Variants in CCDC134 observed in about 807,000 individuals in gnomAD.
CCDC134 encodes the protein coiled-coil domain-containing protein 134.
A neutral mutation model predicts 25.6 loss-of-function variants in CCDC134; 27 were observed. The observed-to-expected ratio is 1.05, with a 90% CI of 0.78 to 1.45. CCDC134 has a LOEUF of 1.45. Ranked by LOEUF, CCDC134 falls within the 40% of genes most tolerant of loss-of-function variation. The pLI, the probability that CCDC134 is intolerant of heterozygous loss-of-function variation, is 0.00. For synonymous variants in CCDC134, 110 were observed against 115.0 expected, an observed-to-expected ratio of 0.96 and a Z score of 0.28; for missense variants, 261 against 286.7, an observed-to-expected ratio of 0.91 and a Z score of 0.65.
At position 41,827,837 on chromosome 22, in the gene CCDC134, C is replaced by A. The variant is rs908581616; in HGVS notation, c.*2014C>A. 6.6e-6 allele frequency among the ~76,000 whole-genome samples: 1 copy of A among 152,204 alleles called. No homozygotes were observed. The highest frequency in any genetic ancestry group is 1.5e-5 in the Non-Finnish European group (1 of 68,038). Reference sequence around the variant, plus strand: ...CAGCAGCTGGAGCTGGGTGTCAGGACCAGCCCGCAAGCTCTTCCCTGCCGG... The same window carrying A: ...CAGCAGCTGGAGCTGGGTGTCAGGAACAGCCCGCAAGCTCTTCCCTGCCGG... On this transcript the variant is annotated 3_prime_UTR_variant, in exon 7 of 7. Transcript: ENST00000255784.
intron 6 of CCDC134, among the ~76,000 whole-genome samples, chr22:41,814,509 G>A (rs1429386818): frequency 6.6e-6 from 1 of 152,054 alleles, no homozygotes; most frequent in Non-Finnish European, 1.5e-5. Context: ...GGAGGTTGCA[G>A]TGAGCTGAGA....
At chr22:41,819,315 A>G (rs1419460214) in intron 6 of CCDC134, among the ~76,000 whole-genome samples, 3 of 152,200 alleles carry the variant, frequency 2.0e-5, no homozygotes, top group Non-Finnish European at 4.4e-5. Context: ...GGAAGGCAGC[A>G]GGGAAATAGT....
At chr22:41,808,787 C>T (rs1038736292) in intron 1 of CCDC134, 88 bp from the exon 2 acceptor site, 7 of 1,036,486 alleles carry the variant, frequency 6.8e-6, no homozygotes, top group East Asian at 4.9e-5. Context: ...TGCACTATGT[C>T]GGGGGAAGCT....
rs1602239761 is a variant in CCDC134, at chr22:41,813,687, A to G, written c.493-64A>G. 21 of 1,525,144 alleles carry G rather than the reference A, an allele frequency of 1.4e-5. No individual in the cohort carries two copies. In the East Asian group the frequency reaches 4.7e-4, roughly 34 times the overall value. 94.5% of individuals were successfully genotyped at this position (1,525,144 alleles called of 1,614,324 possible). A position where few individuals can be genotyped will look rare whatever the true frequency, so the allele number is the denominator to read the frequency against. On this transcript the variant is annotated intron_variant, in intron 5 of 6. Coordinates refer to ENST00000255784, the MANE Select transcript of CCDC134 (RefSeq NM_024821.5). ...GAGTCTGGGTCCCAGCATGGAAGGAATGACTCTCTGGTGAGCAGGACTCAG... is the reference window on the plus strand; with the variant it reads ...GAGTCTGGGTCCCAGCATGGAAGGAGTGACTCTCTGGTGAGCAGGACTCAG...
In CCDC134 at chr22:41,815,571, A is replaced by C. The variant is rs561633630; in HGVS notation, c.564+1749A>C. Among the ~76,000 whole-genome samples the C allele has an allele frequency of 5.9e-5, 9 of 152,280 alleles. No individual in the cohort carries two copies. The South Asian group carries it at 1.9e-3, about 32-fold the overall frequency. On this transcript the variant is annotated intron_variant, in intron 6 of 6. Transcript: ENST00000255784. ...ATCTGACTGATAGAGGCTAGGACCA[A>C]ATCTGTCAATTAGTCTCATACTTCA...
chr22:41,809,971 C>T lies in CCDC134; in HGVS notation c.196C>T (p.Leu66Phe), dbSNP rs763643541. 18 of 1,614,016 alleles carry T rather than the reference C, an allele frequency of 1.1e-5. No homozygotes were observed. The East Asian group carries it at 4.0e-4, about 36-fold the overall frequency. The change falls in exon 3 of 7, where the codon CTT (leucine) becomes TTT (phenylalanine). Residue 66 changes from leucine to phenylalanine, a missense_variant. Transcript: ENST00000255784. ...CGACATCCACCAGCAGTACAAGATC[C>T]TTGATGTCATGCTCAAGGGGCTCTT... is the stretch of plus-strand genomic sequence containing the variant. Reference protein sequence around the residue: ...LNDIHQQYKILDVMLKGLFKV... With the variant: ...LNDIHQQYKIFDVMLKGLFKV...
intron 2 of CCDC134, among the ~76,000 whole-genome samples, chr22:41,809,400 G>A (rs1165861654): frequency 1.3e-5 from 2 of 152,198 alleles, no homozygotes; most frequent in Non-Finnish European, 2.9e-5. Context: ...CCCAGGGGGA[G>A]AAAGTATCCA....
rs137954664 is a variant in CCDC134 at position 41,811,236 on chromosome 22, C to T, written c.310+945C>T. 5.7e-3 allele frequency among the ~76,000 whole-genome samples: 861 copies of T among 152,222 alleles called. 2 individuals are homozygous for T. The highest frequency in any genetic ancestry group is 0.024 in the Middle Eastern group (7 of 294). On this transcript the variant is annotated intron_variant, in intron 4 of 6. Coordinates refer to ENST00000255784, the MANE Select transcript of CCDC134 (RefSeq NM_024821.5). Reference sequence around the variant, plus strand: ...TGATGGACACATGTTCCTTGGTGAGCAGGTCTGTGCAAACCTACCCTCCAA... The same window carrying T: ...TGATGGACACATGTTCCTTGGTGAGTAGGTCTGTGCAAACCTACCCTCCAA...
intron 1 of CCDC134, among the ~76,000 whole-genome samples, 151 bp downstream of exon 1, chr22:41,800,917 C>T (rs972226911): frequency 6.6e-6 from 1 of 152,194 alleles, no homozygotes; most frequent in Non-Finnish European, 1.5e-5. Context: ...CCTCCGGGAG[C>T]TCCGAAGGCT....
At chr22:41,820,212 C>G (rs2076644396) in intron 6 of CCDC134, among the ~76,000 whole-genome samples, 1 of 151,178 alleles carries the variant, frequency 6.6e-6, no homozygotes, top group Non-Finnish European at 1.5e-5. Context: ...TAGCCAGGAT[C>G]GTCTCGATCT....
intron 6 of CCDC134, 123 bp downstream of exon 6, chr22:41,813,945 G>A: frequency 2.6e-6 from 2 of 774,238 alleles, no homozygotes; most frequent in Non-Finnish European, 4.3e-6. Flanking sequence ...CTGGGCCTGG[G>A]TCCAGAAGAT....
chr22:41,810,232 T>G lies in CCDC134; in HGVS notation c.251T>G (p.Leu84Arg), dbSNP rs776081928. The change falls in exon 4 of 7, where the codon CTC becomes CGC. Residue 84 changes from leucine to arginine, a missense_variant. Leu to Arg is a moderately radical substitution (Grantham distance 102, BLOSUM62 -2). Coordinates refer to ENST00000255784, the MANE Select transcript of CCDC134 (RefSeq NM_024821.5). ...FKVLEDSRTV[L>R]TAADVLPDGP... ...GTGCTGGAGGACTCCCGGACAGTGC[T>G]CACCGCTGCTGATGTGCTCCCAGAT... 2 of 1,614,068 alleles carry G rather than the reference T, an allele frequency of 1.2e-6. No homozygotes were observed. The highest frequency in any genetic ancestry group is 1.7e-6 in the Non-Finnish European group (2 of 1,179,970).
chr22:41,811,453 C>T (rs1157998033), intron 4 of CCDC134, among the ~76,000 whole-genome samples: 1 of 152,118 alleles, frequency 6.6e-6, no homozygotes, highest in Non-Finnish European at 1.5e-5. Flanking sequence ...TCTTTTGAGA[C>T]AGTCTTACTC....
At chr22:41,810,161 G>T in intron 3 of CCDC134, 46 bp from the exon 4 acceptor site, 4 of 1,603,710 alleles carry the variant, frequency 2.5e-6, no homozygotes, top group Non-Finnish European at 3.4e-6. Flanking sequence ...GGAGCAGTCT[G>T]TGATGGGCAC....
chr22:41,805,559 G>T (rs2076563861), intron 1 of CCDC134, among the ~76,000 whole-genome samples: 1 of 152,146 alleles, frequency 6.6e-6, no homozygotes, highest in African/African-American at 2.4e-5. Context: ...GTAAACTATA[G>T]ATAGCTTAAG....
intron 6 of CCDC134, among the ~76,000 whole-genome samples, chr22:41,818,728 G>A (rs1477345166): frequency 6.6e-6 from 1 of 152,208 alleles, no homozygotes; most frequent in African/African-American, 2.4e-5. Flanking sequence ...ATACCCCAAG[G>A]TTGCATGCTG....
intron 4 of CCDC134, among the ~76,000 whole-genome samples, chr22:41,812,037 CAG>C (rs2076598872): frequency 6.6e-6 from 1 of 152,216 alleles, no homozygotes; most frequent in South Asian, 2.1e-4. Context: ...AGTAGGAAAA[CAG>C]AAAATTCAAA....
At chr22:41,818,207 A>G (rs1299852773) in intron 6 of CCDC134, among the ~76,000 whole-genome samples, 1 of 152,226 alleles carries the variant, frequency 6.6e-6, no homozygotes, top group African/African-American at 2.4e-5. Flanking sequence ...GATGTGCTTC[A>G]TTCCTCCCGC....
chr22:41,815,557 A>G (rs2076619113), intron 6 of CCDC134, among the ~76,000 whole-genome samples: 1 of 152,192 alleles, frequency 6.6e-6, no homozygotes, highest in Admixed American at 6.5e-5. Flanking sequence ...TCTGACTGAT[A>G]GAGGCTAGGA....
Sources: gnomAD v4.1 joint callset for allele counts (sites outside exome capture counted in the v4.1 genomes callset) on GRCh38, gnomAD v4.1.1 for gene constraint, MANE v1.5 for transcripts, NCBI Gene and HGNC (gene_info 2026-07-23, HGNC 2026-07-21) for gene names.